Variants in LAMC2 observed in about 807,000 individuals in gnomAD.
LAMC2 encodes the protein laminin subunit gamma 2, also known as laminin subunit gamma-2.
In LAMC2, 97 loss-of-function variants were observed where a neutral mutation model predicts 140.2. The observed-to-expected ratio is 0.69, with a 90% CI of 0.59 to 0.82. LAMC2 has a LOEUF of 0.82. Among genes scored for constraint, LAMC2 ranks in the 40% least tolerant of loss-of-function variants. The pLI, the probability that LAMC2 is intolerant of heterozygous loss-of-function variation, is 0.00. For synonymous variants in LAMC2, 513 were observed against 540.2 expected (o/e 0.95, Z 0.70); for missense variants, 1,402 against 1,476.1 (o/e 0.95, Z 0.82).
chr1:183,221,002 G>T (rs775045792), intron 5 of LAMC2, 41 bp downstream of exon 5: 10 of 1,594,024 alleles, frequency 6.3e-6, no homozygotes, highest in East Asian at 2.2e-5. Flanking sequence ...TTTTAATGTT[G>T]TACAGGGCTT....
chr1:183,209,005 T>C (rs190230819), intron 2 of LAMC2, among the ~76,000 whole-genome samples: 1 of 149,248 alleles, frequency 6.7e-6, no homozygotes, highest in East Asian at 2.0e-4. Flanking sequence ...TTTTTTAAAG[T>C]ATCCCACACA....
intron 20 of LAMC2, 117 bp downstream of exon 20, chr1:183,239,680 C>A: frequency 1.2e-6 from 1 of 841,302 alleles, no homozygotes; most frequent in Non-Finnish European, 1.9e-6. Context: ...CTGTTGTGGC[C>A]CATGGGAGCC....
intron 8 of LAMC2, 61 bp downstream of exon 8, chr1:183,225,781 T>A: frequency 8.6e-7 from 1 of 1,165,112 alleles, no homozygotes; most frequent in South Asian, 1.2e-5. Flanking sequence ...TTGATTCAGC[T>A]CTCTAAGGTG....
chr1:183,227,917 A>T (rs1415962833), intron 10 of LAMC2, among the ~76,000 whole-genome samples: 2 of 152,218 alleles, frequency 1.3e-5, no homozygotes, highest in Non-Finnish European at 2.9e-5. Context: ...GGGAGAAAAC[A>T]CCTAAAGCTG....
chr1:183,194,110 G>A (rs1259805578), intron 1 of LAMC2, among the ~76,000 whole-genome samples: 1 of 152,078 alleles, frequency 6.6e-6, no homozygotes, highest in Non-Finnish European at 1.5e-5. Flanking sequence ...AGTAGAGATG[G>A]AGTTTTGCCA....
intron 1 of LAMC2, among the ~76,000 whole-genome samples, chr1:183,203,875 A>G (rs1277819472): frequency 2.6e-5 from 4 of 152,216 alleles, no homozygotes; most frequent in African/African-American, 9.6e-5. Flanking sequence ...GACCCATTTG[A>G]AAGGAAAGGG....
chr1:183,246,944 A>G (rs1173889792), downstream of LAMC2, among the ~76,000 whole-genome samples: 1 of 152,244 alleles, frequency 6.6e-6, no homozygotes, highest in Non-Finnish European at 1.5e-5. Context: ...GTGTATGTGC[A>G]CATATGTTAA....
intron 2 of LAMC2, among the ~76,000 whole-genome samples, chr1:183,208,681 T>C (rs1450180309): frequency 6.6e-6 from 1 of 152,106 alleles, no homozygotes; most frequent in African/African-American, 2.4e-5. Context: ...TGTTTTTTTG[T>C]TTTGTTTTGT....
chr1:183,233,577 ATTGATTGTT>A (rs776968312), intron 14 of LAMC2, among the ~76,000 whole-genome samples: 58 of 152,302 alleles, frequency 3.8e-4, no homozygotes, highest in Non-Finnish European at 7.2e-4. Context: ...AATAATGTGT[ATTGATTGTT>A]TCCTTTATTA....
chr1:183,214,951 G>A (rs1280787598), intron 2 of LAMC2, among the ~76,000 whole-genome samples: 5 of 152,102 alleles, frequency 3.3e-5, no homozygotes, highest in Non-Finnish European at 5.9e-5. Flanking sequence ...TACCACAGGG[G>A]ACACTCTCTA....
intron 9 of LAMC2, 135 bp from the exon 10 acceptor site, chr1:183,227,380 T>C: frequency 3.5e-6 from 3 of 862,376 alleles, no homozygotes; most frequent in South Asian, 1.3e-5. Context: ...GAGGGGTGAA[T>C]GCCAGTGCTC....
At chr1:183,195,346 T>A (rs983278887) in intron 1 of LAMC2, among the ~76,000 whole-genome samples, 3 of 152,290 alleles carry the variant, frequency 2.0e-5, no homozygotes, top group African/African-American at 7.2e-5. Context: ...GTGTCTCCTC[T>A]GAAGCCATAA....
downstream of LAMC2, among the ~76,000 whole-genome samples, chr1:183,247,589 A>G (rs1183459472): frequency 6.6e-6 from 1 of 152,148 alleles, no homozygotes; most frequent in Non-Finnish European, 1.5e-5. Flanking sequence ...CAAATGATTC[A>G]TTTAAAAAAA....
chr1:183,240,391 G>T lies in LAMC2; in HGVS notation c.3328G>T (p.Asp1110Tyr), dbSNP rs1181815909. 4 of 1,614,086 alleles carry T rather than the reference G, an allele frequency of 2.5e-6. No homozygotes were observed. In the South Asian group the frequency reaches 4.4e-5, roughly 18 times the overall value. The change falls in exon 22 of 23, where the codon GAC becomes TAC. Residue 1110 changes from aspartate (D) to tyrosine (Y), a missense_variant and splice_region_variant. By Grantham distance (160) the Asp-to-Tyr change is radical. Transcript: ENST00000264144. ...NTLDGLLHLMDQPLSVDEEGL... is the reference protein window; with the variant it reads ...NTLDGLLHLMYQPLSVDEEGL... ...ATTAGACGGCCTCCTGCATCTGATG[G>T]GTATGTGAACCCACAACCCACAACC...
the LAMC2 span, chr1:183,250,164 T>G: frequency 6.6e-6 from 1 of 152,242 alleles, no homozygotes; most frequent in South Asian, 2.1e-4. Context: ...CTGTTTTCCT[T>G]TGTTTCATTT....
intron 2 of LAMC2, among the ~76,000 whole-genome samples, chr1:183,214,894 TAC>T (rs1335685242): frequency 6.6e-6 from 1 of 152,106 alleles, no homozygotes; most frequent in African/African-American, 2.4e-5. Flanking sequence ...ATAAGACAAG[TAC>T]AGTCCCCTAA....
At position 183,231,011 on chromosome 1, in the gene LAMC2, G is replaced by A. The variant is rs770215276; in HGVS notation, c.1765G>A (p.Gly589Ser). ...GSEPVGCRSD[G>S]TCVCKPGFGG... ...AGAGCCTGTAGGATGTCGAAGTGAT[G>A]GCACCTGTGTTTGCAAGCCAGGATT... The change falls in exon 12 of 23, where the codon GGC (glycine) becomes AGC (serine). Residue 589 changes from glycine to serine, a missense_variant. Gly to Ser is a moderately conservative substitution (Grantham distance 56, BLOSUM62 0). This residue lies in a region of LAMC2 where 723 missense variants were observed against 783.3 expected (regional missense o/e 0.92). Transcript: ENST00000264144. The A allele has an allele frequency of 6.2e-7, 1 of 1,614,174 alleles. No homozygotes were observed. Among genetic ancestry groups the A allele is most frequent in the Non-Finnish European group, 8.5e-7 (1 of 1,180,032 alleles).
chr1:183,227,233 G>A (rs781608785), intron 9 of LAMC2, among the ~76,000 whole-genome samples: 4 of 152,106 alleles, frequency 2.6e-5, no homozygotes, highest in African/African-American at 4.8e-5. Flanking sequence ...TGAATGTGCC[G>A]ACAAATGGTG....
At chr1:183,221,023 G>C (rs1659452421) in intron 5 of LAMC2, 62 bp downstream of exon 5, 2 of 1,442,782 alleles carry the variant, frequency 1.4e-6, no homozygotes, top group Non-Finnish European at 9.8e-7. Flanking sequence ...TGTGTTTAGA[G>C]ACAACCACCT....
Sources: gnomAD v4.1 joint callset for allele counts (sites outside exome capture counted in the v4.1 genomes callset) on GRCh38, gnomAD v4.1.1 for gene constraint, gnomAD v4.1.1 regional missense constraint, MANE v1.5 for transcripts, NCBI Gene and HGNC (gene_info 2026-07-23, HGNC 2026-07-21) for gene names.